The following ASMT variants were observed in gnomAD, a reference collection of about 807,000 sequenced individuals.
The protein encoded by ASMT is acetylserotonin N-methyltransferase.
ASMT carries 53 observed loss-of-function variants against 41.3 expected under a neutral mutation model. The ratio of observed to expected loss-of-function variants is 1.28; its 90% CI spans 1.03 to 1.61. The LOEUF (loss-of-function observed/expected upper bound fraction) is 1.61, where lower values mean the gene tolerates loss of function less well. Ranked by LOEUF, ASMT falls within the 40% of genes most tolerant of loss-of-function variation. ASMT has a pLI of 0.00. For synonymous variants in ASMT, 231 were observed against 184.8 expected (o/e 1.25, Z -2.03); for missense variants, 531 against 441.3 (o/e 1.20, Z -1.82).
intron 7 of ASMT, among the ~76,000 whole-genome samples, chrX:1,634,938 T>C (rs1325866946): frequency 6.6e-6 from 1 of 151,302 alleles, no homozygotes; most frequent in Non-Finnish European, 1.5e-5. Flanking sequence ...GTGCTGGGGA[T>C]TACAGGAGTG....
At chrX:1,625,882 G>A (rs1344180357) in intron 3 of ASMT, among the ~76,000 whole-genome samples, 4 of 150,504 alleles carry the variant, frequency 2.7e-5, no homozygotes, top group Admixed American at 2.0e-4. Flanking sequence ...GTGAACCCGG[G>A]AGGCGGAGGT....
chrX:1,634,992 TGA>T (rs1934906033), intron 7 of ASMT, among the ~76,000 whole-genome samples: 2 of 140,888 alleles, frequency 1.4e-5, no homozygotes, highest in African/African-American at 2.8e-5. Flanking sequence ...TTTTTTTTTT[TGA>T]GATGGAGTCT....
At chrX:1,625,066 AG>A (rs1414041967) in intron 3 of ASMT, among the ~76,000 whole-genome samples, 1 of 151,676 alleles carries the variant, frequency 6.6e-6, no homozygotes, top group African/African-American at 2.4e-5. Context: ...AGGAGGTGAA[AG>A]GGAAGGTTTC....
intron 4 of ASMT, 151 bp from the exon 5 acceptor site, chrX:1,629,670 C>G (rs1232392847): frequency 3.7e-6 from 3 of 811,336 alleles, no homozygotes; most frequent in Non-Finnish European, 4.4e-6. Flanking sequence ...TCCCCCATCC[C>G]GAATGACTTC....
At chrX:1,616,031 T>C (rs1472798948) in intron 1 of ASMT, among the ~76,000 whole-genome samples, 1 of 130,770 alleles carries the variant, frequency 7.6e-6, no homozygotes, top group African/African-American at 2.5e-5. Context: ...ACCTCATTCC[T>C]TTTTTTTATT....
At chrX:1,622,646 G>A (rs1470787869) in intron 1 of ASMT, among the ~76,000 whole-genome samples, 1 of 151,792 alleles carries the variant, frequency 6.6e-6, no homozygotes, top group African/African-American at 2.4e-5. Flanking sequence ...AGGCGCAATG[G>A]CTCACGCCTG....
rs1182135666 is a variant in ASMT, at chrX:1,640,461, G to A, written c.911-2342G>A. On this transcript the variant is annotated intron_variant, in intron 8 of 8. Coordinates refer to ENST00000381241, the MANE Select transcript of ASMT (RefSeq NM_001171038.2). Reference sequence around the variant, plus strand: ...GGGCACAGCCTCTGTGTGTGAGATAGGGACCATGTCCCAGCTCTCCTGTGA... The same window carrying A: ...GGGCACAGCCTCTGTGTGTGAGATAAGGACCATGTCCCAGCTCTCCTGTGA... 3.1e-3 allele frequency among the ~76,000 whole-genome samples: 125 copies of A among 40,908 alleles called. 1 individual carries two copies. The South Asian group carries it at 0.043, about 14-fold the overall frequency. The allele number at this position is 40,908 out of a possible 152,430, so 26.8% of individuals were successfully genotyped here.
rs370860679 is a variant in ASMT, at chrX:1,624,267, A to C, written c.245-2A>C. Reference sequence around the variant, plus strand: ...TTCCCTGTTTTTTTGTGTGTGTTTCAGCTTTCTATCGAAACACAGAGCTGT... The same window carrying C: ...TTCCCTGTTTTTTTGTGTGTGTTTCCGCTTTCTATCGAAACACAGAGCTGT... On this transcript the variant is annotated splice_acceptor_variant, in intron 2 of 8. Transcript: ENST00000381241. LOFTEE classifies it high-confidence loss of function. The C allele has an allele frequency of 1.1e-5, 17 of 1,613,798 alleles. 1 individual carries two copies. The highest frequency in any genetic ancestry group is 1.7e-5 in the Admixed American group (1 of 59,978).
chrX:1,636,331 C>A, intron 7 of ASMT, 107 bp from the exon 8 acceptor site: 1 of 1,533,178 alleles, frequency 6.5e-7, no homozygotes, highest in Non-Finnish European at 9.0e-7. Context: ...GCCTGGAAGA[C>A]CTGGGAAAGG....
intron 7 of ASMT, among the ~76,000 whole-genome samples, chrX:1,636,008 T>G (rs748326103): frequency 6.7e-6 from 1 of 148,556 alleles, no homozygotes. Flanking sequence ...CAGGCTGGAG[T>G]GCAATGGTGC....
In ASMT at chrX:1,625,152, T is replaced by G. The variant is rs1934485606; in HGVS notation, c.374+754T>G. Reference sequence around the variant, plus strand: ...TGGAGTCTTGCTCTGTCACCCAGGGTGGAGCGCAGTGGCGCCATCTCGGCT... The same window carrying G: ...TGGAGTCTTGCTCTGTCACCCAGGGGGGAGCGCAGTGGCGCCATCTCGGCT... On this transcript the variant is annotated intron_variant, in intron 3 of 8. Transcript: ENST00000381241. 3.4e-5 allele frequency among the ~76,000 whole-genome samples: 5 copies of G among 144,950 alleles called. No homozygotes were observed. The Admixed American group carries it at 3.7e-4, about 11-fold the overall frequency.
chrX:1,634,236 G>A (rs1281091747), intron 7 of ASMT, among the ~76,000 whole-genome samples: 2 of 152,192 alleles, frequency 1.3e-5, no homozygotes, highest in African/African-American at 4.8e-5. Flanking sequence ...AAGGAGAAAG[G>A]AGCATGGGAT....
At chrX:1,617,572 T>C (rs1289492247) in intron 1 of ASMT, among the ~76,000 whole-genome samples, 1 of 152,018 alleles carries the variant, frequency 6.6e-6, no homozygotes, top group Non-Finnish European at 1.5e-5. Context: ...AAAATATCTG[T>C]GGTTTCTCTC....
chrX:1,631,958 A>G (rs1934794072), intron 5 of ASMT, among the ~76,000 whole-genome samples: 1 of 152,110 alleles, frequency 6.6e-6, no homozygotes, highest in Non-Finnish European at 1.5e-5. Context: ...CTGAGGCAGG[A>G]GAATCGCTTG....
At chrX:1,642,736 A>T (rs867049992) in intron 8 of ASMT, 67 bp from the exon 9 acceptor site, 1 of 1,471,142 alleles carries the variant, frequency 6.8e-7, no homozygotes, top group Non-Finnish European at 9.5e-7. Context: ...CTTATGGTTC[A>T]CTGGGACTTT....
intron 1 of ASMT, among the ~76,000 whole-genome samples, chrX:1,617,600 T>A (rs1194818210): frequency 6.6e-6 from 1 of 150,500 alleles, no homozygotes; most frequent in Non-Finnish European, 1.5e-5. Context: ...AAGCCACCGG[T>A]TTTTTTTGTT....
intron 7 of ASMT, chrX:1,636,112 C>G (rs781197735): frequency 2.7e-6 from 1 of 365,460 alleles, no homozygotes; most frequent in Admixed American, 3.7e-5. Context: ...CCCGCCATCA[C>G]GCCCGGCTAA....
chrX:1,619,381 G>A (rs191237105), intron 1 of ASMT, among the ~76,000 whole-genome samples: 2,230 of 147,522 alleles, frequency 0.015, 64 homozygotes, highest in African/African-American at 0.054. Context: ...GGGGCAGAGC[G>A]GGACCCTGTC....
In ASMT at chrX:1,624,122, G is replaced by A. The variant is rs1934436668; in HGVS notation, c.245-147G>A. ...GCGCCTTCCACAGAAGGCTCCAGCT[G>A]TACAAGGCAAGAGGAAGACCCCATC... is the stretch of plus-strand genomic sequence containing the variant. On this transcript the variant is annotated intron_variant, in intron 2 of 8. Coordinates refer to ENST00000381241, the MANE Select transcript of ASMT (RefSeq NM_001171038.2). 20 of 1,164,672 alleles carry A rather than the reference G, an allele frequency of 1.7e-5. No homozygotes were observed. In the South Asian group the frequency reaches 2.4e-4, roughly 14 times the overall value. 72.1% of individuals were successfully genotyped at this position (1,164,672 alleles called of 1,614,324 possible).
Sources: allele counts gnomAD v4.1 joint callset (sites outside exome capture counted in the v4.1 genomes callset), GRCh38; gene constraint gnomAD v4.1.1; transcripts MANE v1.5; gene names NCBI Gene and HGNC (gene_info 2026-07-23, HGNC 2026-07-21).